Variants in ABCC1 observed in about 807,000 individuals in gnomAD.
The protein encoded by ABCC1 is ATP binding cassette subfamily C member 1 (ABCC1 blood group), also known as multidrug resistance-associated protein 1.
Under a neutral mutation model 172.9 loss-of-function variants are expected in ABCC1, and 83 were observed. That is an observed-to-expected ratio of 0.48 (90% CI 0.40 to 0.58). ABCC1 has a LOEUF of 0.58. Ranked by LOEUF, ABCC1 falls within the 20% of genes least tolerant of loss-of-function variation. The probability of loss-of-function intolerance (pLI) is 0.00; values close to 1 mark genes in which losing one functional copy is unlikely to be tolerated. For missense variants in ABCC1, 1,817 were observed against 2,002.7 expected, an observed-to-expected ratio of 0.91 and a Z score of 1.77; for synonymous variants, 937 against 825.2, an observed-to-expected ratio of 1.14 and a Z score of -2.32.
chr16:15,967,765 A>C (rs1244308370), intron 1 of ABCC1, among the ~76,000 whole-genome samples: 1 of 150,374 alleles, frequency 6.7e-6, no homozygotes, highest in Non-Finnish European at 1.5e-5. Flanking sequence ...CTCCAAAAAA[A>C]AAAAAAACAA....
chr16:15,953,116 A>T (rs545967526), intron 1 of ABCC1, among the ~76,000 whole-genome samples: 1 of 152,114 alleles, frequency 6.6e-6, no homozygotes, highest in African/African-American at 2.4e-5. Flanking sequence ...CAGGCGGATC[A>T]CCTGAGGTCA....
chr16:16,015,359 C>T (rs562936202), intron 4 of ABCC1, among the ~76,000 whole-genome samples: 2 of 152,114 alleles, frequency 1.3e-5, no homozygotes, highest in East Asian at 1.9e-4. Flanking sequence ...AGGATGGTGT[C>T]GATCACTTGA....
intron 7 of ABCC1, among the ~76,000 whole-genome samples, chr16:16,040,064 TTGTATGTATGTATGTA>T (rs10543561): frequency 2.7e-4 from 37 of 134,876 alleles, no homozygotes; most frequent in Admixed American, 7.4e-4. Flanking sequence ...GTTTGTTTGT[TTGTATGTATGTATGTA>T]TGTATGTATG....
At position 15,949,675 on chromosome 16, in the gene ABCC1, G is replaced by C. The variant is rs903675746; in HGVS notation, c.-77G>C. On this transcript the variant is annotated 5_prime_UTR_variant, in exon 1 of 31. Transcript: ENST00000399410. ...GCCGGGCCCGATCACCCGCCGCCCG[G>C]TGCCCGCCGCCGCCCGCGCCAGCAA... is the stretch of plus-strand genomic sequence containing the variant. The C allele has an allele frequency of 6.8e-4, 624 of 921,088 alleles. 5 individuals are homozygous for C. In the Middle Eastern group the frequency reaches 7.3e-3, roughly 11 times the overall value. The allele number at this position is 921,088 out of a possible 1,614,324, so 57.1% of individuals were successfully genotyped here.
intron 17 of ABCC1, among the ~76,000 whole-genome samples, chr16:16,085,358 G>A (rs926079172): frequency 6.6e-6 from 1 of 152,198 alleles, no homozygotes; most frequent in African/African-American, 2.4e-5. Context: ...GTCCCCTCTT[G>A]GAAGACCAAG....
rs1187559724 is a variant in ABCC1 at position 16,142,472 on chromosome 16, T to G, written c.*1191T>G. 6.6e-6 allele frequency: 1 copy of G among 152,220 alleles called. No individual in the cohort carries two copies. The highest frequency in any genetic ancestry group is 1.5e-5 in the Non-Finnish European group (1 of 68,044). The allele number at this position is 152,220 out of a possible 1,614,324, so 9.4% of individuals were successfully genotyped here. A position where few individuals can be genotyped will look rare whatever the true frequency, so the allele number is the denominator to read the frequency against. ...AATGTCCCCTTGAGTCTTTTCCTTG[T>G]TTTTAGATGTTAATTCTCTCCCTTG... On this transcript the variant is annotated 3_prime_UTR_variant, in exon 31 of 31. Transcript: ENST00000399410.
At chr16:16,002,599 C>T (rs960323178) in intron 1 of ABCC1, among the ~76,000 whole-genome samples, 6 of 151,970 alleles carry the variant, frequency 3.9e-5, no homozygotes, top group Non-Finnish European at 8.8e-5. Flanking sequence ...ATGGCAAAAC[C>T]CCATTTCTAC....
chr16:15,961,698 T>G (rs544024336), intron 1 of ABCC1, among the ~76,000 whole-genome samples: 1 of 152,322 alleles, frequency 6.6e-6, no homozygotes, highest in East Asian at 1.9e-4. Context: ...TCTTGTTCTC[T>G]TCACTTAACC....
chr16:16,035,737 C>T (rs2048729100), intron 6 of ABCC1, among the ~76,000 whole-genome samples: 1 of 151,840 alleles, frequency 6.6e-6, no homozygotes, highest in South Asian at 2.1e-4. Context: ...TCACAAAATC[C>T]TCCCACCTCG....
At chr16:16,009,984 A>G (rs2047715174) in intron 3 of ABCC1, 83 bp downstream of exon 3, 3 of 1,113,200 alleles carry the variant, frequency 2.7e-6, no homozygotes, top group East Asian at 4.0e-5. Context: ...GACTAGAATC[A>G]TAGTTTTTTA....
chr16:16,050,167 G>A (rs1427806531), intron 10 of ABCC1, among the ~76,000 whole-genome samples: 2 of 152,112 alleles, frequency 1.3e-5, no homozygotes, highest in East Asian at 3.9e-4. Flanking sequence ...ATTATTATCT[G>A]TTATTGAAAG....
Position 16,083,372 on chromosome 16 carries a change from G to T in ABCC1, c.2122G>T (p.Val708Leu), listed in dbSNP as rs749798264. 2.5e-6 allele frequency: 4 copies of T among 1,613,186 alleles called. 1 individual carries two copies. The African/African-American group carries it at 4.0e-5, about 16-fold the overall frequency. Residue 708 changes from valine (V) to leucine (L), a missense_variant, in exon 17 of 31, where the codon GTG becomes TTG. Val to Leu is a conservative substitution (Grantham distance 32). Around this residue, in one of 3 missense-constraint regions of ABCC1, gnomAD observed 1,412 missense variants for 1,600.3 expected, o/e 0.88. Coordinates refer to ENST00000399410, the MANE Select transcript of ABCC1 (RefSeq NM_004996.4). ...VEGHVAIKGS[V>L]AYVPQQAWIQ... ...TTCTCCATTTGCAACTTAGGGCTCC[G>T]TGGCCTATGTGCCACAGCAGGCCTG...
chr16:16,028,794 A>C (rs1487533900), intron 5 of ABCC1, among the ~76,000 whole-genome samples: 2 of 152,124 alleles, frequency 1.3e-5, no homozygotes, highest in Non-Finnish European at 2.9e-5. Context: ...CAGGTGTAAA[A>C]ACTGAGGCTT....
intron 5 of ABCC1, among the ~76,000 whole-genome samples, chr16:16,017,599 A>C (rs2048047573): frequency 1.3e-5 from 2 of 152,130 alleles, no homozygotes; most frequent in East Asian, 3.9e-4. Context: ...CTTTTAATTA[A>C]TTAATAATTA....
chr16:15,999,353 C>T (rs775728612), intron 1 of ABCC1, among the ~76,000 whole-genome samples: 42 of 151,616 alleles, frequency 2.8e-4, no homozygotes, highest in Non-Finnish European at 5.6e-4. Context: ...CGATGGCTCA[C>T]GCCTGTAGTC....
chr16:16,045,395 CAAAAAAAAAAAA>C (rs34870561), intron 8 of ABCC1, among the ~76,000 whole-genome samples: 1 of 64,704 alleles, frequency 1.5e-5, no homozygotes, highest in African/African-American at 6.0e-5. Flanking sequence ...GACTTTGTCT[CAAAAAAAAAAAA>C]AAAAAAAAAA....
At chr16:16,032,162 T>G (rs1365982618) in intron 5 of ABCC1, among the ~76,000 whole-genome samples, 3 of 152,096 alleles carry the variant, frequency 2.0e-5, no homozygotes, top group African/African-American at 4.8e-5. Flanking sequence ...AGCTAATTTT[T>G]GTATTTTTAG....
intron 5 of ABCC1, among the ~76,000 whole-genome samples, chr16:16,026,668 C>T (rs947621593): frequency 2.0e-5 from 3 of 151,606 alleles, no homozygotes; most frequent in African/African-American, 4.8e-5. Flanking sequence ...GTAATCCCAG[C>T]GCTTTGTGAG....
At position 16,048,150 on chromosome 16, in the gene ABCC1, G is replaced by A; in HGVS notation, c.1227G>A (p.Val409=). 2 of 1,614,154 alleles carry A rather than the reference G, an allele frequency of 1.2e-6. No homozygotes were observed. The highest frequency in any genetic ancestry group is 1.7e-6 in the Non-Finnish European group (2 of 1,180,024). ...VIGAVYRKAL[V]ITNSARKSST... ...TCTCCTTTGTCCCACAGGCCCTGGT[G>A]ATCACCAATTCAGCCAGAAAATCCT... The change falls in exon 10 of 31, where the codon GTG becomes GTA. Residue 409 remains valine, a synonymous_variant. Coordinates refer to ENST00000399410, the MANE Select transcript of ABCC1 (RefSeq NM_004996.4).
Sources: allele counts gnomAD v4.1 joint callset (sites outside exome capture counted in the v4.1 genomes callset), GRCh38; gene constraint gnomAD v4.1.1; regional missense constraint gnomAD v4.1.1; transcripts MANE v1.5; gene names NCBI Gene and HGNC (gene_info 2026-07-23, HGNC 2026-07-21).